TRPS1: variants seen among roughly 807,000 people sequenced by gnomAD.
TRPS1 encodes zinc finger transcription factor Trps1.
A neutral mutation model predicts 101.2 loss-of-function variants in TRPS1; 6 were observed. That is an observed-to-expected ratio of 0.06 (90% confidence interval 0.03 to 0.12). TRPS1 has a LOEUF of 0.12. Among genes scored for constraint, TRPS1 ranks in the 10% least tolerant of loss-of-function variants. The pLI, the probability that TRPS1 is intolerant of heterozygous loss-of-function variation, is 1.00. For synonymous variants in TRPS1, 578 were observed against 589.8 expected (o/e 0.98, Z 0.29); for missense variants, 1,363 against 1,567.0 (o/e 0.87, Z 2.20).
At chr8:115,576,519 T>C (rs1817323107) in intron 5 of TRPS1, among the ~76,000 whole-genome samples, 1 of 152,080 alleles carries the variant, frequency 6.6e-6, no homozygotes, top group Non-Finnish European at 1.5e-5. Context: ...CAGGAAACAG[T>C]ATATGAGGCT....
intron 5 of TRPS1, among the ~76,000 whole-genome samples, chr8:115,447,843 ATTCTTTTACT>A (rs1487831257): frequency 1.3e-5 from 2 of 152,216 alleles, no homozygotes; most frequent in African/African-American, 4.8e-5. Flanking sequence ...ATCTAGGTCC[ATTCTTTTACT>A]TTCATAACTG....
chr8:115,515,139 A>G, intron 5 of TRPS1: 1 of 651,534 alleles, frequency 1.5e-6, no homozygotes, highest in Non-Finnish European at 2.8e-6. Flanking sequence ...TGATAGCTAG[A>G]AGACAAAGAC....
At chr8:115,565,923 T>C (rs939796474) in intron 5 of TRPS1, among the ~76,000 whole-genome samples, 1 of 152,160 alleles carries the variant, frequency 6.6e-6, no homozygotes, top group Admixed American at 6.6e-5. Context: ...CGAAAGACAT[T>C]TACTTGAAAC....
intron 5 of TRPS1, among the ~76,000 whole-genome samples, chr8:115,452,781 T>C (rs1020655098): frequency 2.0e-5 from 3 of 152,172 alleles, no homozygotes; most frequent in African/African-American, 7.2e-5. Context: ...CGAGCACAGA[T>C]GTAACATAAG....
At chr8:115,462,407 T>C (rs1337127148) in intron 5 of TRPS1, among the ~76,000 whole-genome samples, 1 of 152,182 alleles carries the variant, frequency 6.6e-6, no homozygotes. Flanking sequence ...CCCTGGGCAA[T>C]CCAGTTAACC....
At chr8:115,487,736 G>T (rs1447159524) in intron 5 of TRPS1, among the ~76,000 whole-genome samples, 1 of 152,192 alleles carries the variant, frequency 6.6e-6, no homozygotes. Context: ...GTAACTGATT[G>T]CTGTAATCTC....
At chr8:115,495,711 T>C (rs1815133048) in intron 5 of TRPS1, among the ~76,000 whole-genome samples, 1 of 151,554 alleles carries the variant, frequency 6.6e-6, no homozygotes, top group African/African-American at 2.4e-5. Context: ...GAAATCAAAG[T>C]CTTTACAAGC....
intron 5 of TRPS1, among the ~76,000 whole-genome samples, chr8:115,513,857 T>C (rs1404745249): frequency 2.0e-5 from 3 of 151,740 alleles, no homozygotes; most frequent in East Asian, 1.9e-4. Flanking sequence ...GATAGACATA[T>C]ATGTTTAAGT....
At position 115,585,110 on chromosome 8, in the gene TRPS1, T is replaced by C. The variant is rs369671842; in HGVS notation, c.2700+1891A>G. ...TAGGGTTGGAATTTGGCTATTATTG[T>C]AGAACACAGCTAAGGAATCTCTTGT... On this transcript the variant is annotated intron_variant, in intron 5 of 6. Coordinates refer to ENST00000395715, the MANE Select transcript of TRPS1 (RefSeq NM_014112.5). Among the ~76,000 whole-genome samples the C allele has an allele frequency of 5.2e-4, 79 of 152,294 alleles. 3 individuals are homozygous for C. The highest frequency in any genetic ancestry group is 1.8e-3 in the Admixed American group (28 of 15,300).
intron 3 of TRPS1, among the ~76,000 whole-genome samples, chr8:115,617,650 C>T (rs1361044085): frequency 1.3e-5 from 2 of 152,180 alleles, no homozygotes; most frequent in African/African-American, 2.4e-5. Context: ...AACACTGTTT[C>T]ACATACTGAC....
intron 1 of TRPS1, among the ~76,000 whole-genome samples, chr8:115,627,963 T>G (rs1382168586): frequency 6.6e-6 from 1 of 150,956 alleles, no homozygotes; most frequent in African/African-American, 2.5e-5. Flanking sequence ...GTATATTCAG[T>G]AAGTTTTATT....
At chr8:115,426,643 G>T (rs1813193019) in intron 5 of TRPS1, among the ~76,000 whole-genome samples, 1 of 152,044 alleles carries the variant, frequency 6.6e-6, no homozygotes, top group Non-Finnish European at 1.5e-5. Flanking sequence ...TCACACTCTT[G>T]GGGATCATAC....
intron 5 of TRPS1, among the ~76,000 whole-genome samples, chr8:115,536,213 G>T (rs1816314908): frequency 6.6e-6 from 1 of 151,724 alleles, no homozygotes; most frequent in African/African-American, 2.4e-5. Context: ...TAAAATTCTA[G>T]CTTACCATAA....
intron 1 of TRPS1, among the ~76,000 whole-genome samples, chr8:115,653,045 G>A (rs1287918998): frequency 6.6e-6 from 1 of 151,984 alleles, no homozygotes; most frequent in Non-Finnish European, 1.5e-5. Context: ...ACAAAAAACG[G>A]TGTTTTCTGA....
At chr8:115,455,250 CAT>C (rs1296587862) in intron 5 of TRPS1, among the ~76,000 whole-genome samples, 7 of 152,204 alleles carry the variant, frequency 4.6e-5, no homozygotes, top group African/African-American at 1.7e-4. Flanking sequence ...TTTAATTTCA[CAT>C]GAGATGTGTA....
At chr8:115,444,543 T>G (rs1478040415) in intron 5 of TRPS1, among the ~76,000 whole-genome samples, 22 of 152,220 alleles carry the variant, frequency 1.4e-4, no homozygotes, top group Admixed American at 1.4e-3. Flanking sequence ...TCTAACATTT[T>G]CAAAGTATAC....
At chr8:115,583,370 T>G (rs1198638514) in intron 5 of TRPS1, among the ~76,000 whole-genome samples, 1 of 74,940 alleles carries the variant, frequency 1.3e-5, no homozygotes, top group African/African-American at 1.2e-4. Context: ...TTGGAATATA[T>G]AAAATAATTT....
At chr8:115,610,891 C>T (rs981606911) in intron 3 of TRPS1, among the ~76,000 whole-genome samples, 9 of 151,890 alleles carry the variant, frequency 5.9e-5, no homozygotes, top group Non-Finnish European at 1.0e-4. Flanking sequence ...CCAAGGCGGG[C>T]GGATCACCTG....
At chr8:115,445,518 CTT>C (rs1341670554) in intron 5 of TRPS1, among the ~76,000 whole-genome samples, 1 of 152,126 alleles carries the variant, frequency 6.6e-6, no homozygotes, top group Non-Finnish European at 1.5e-5. Flanking sequence ...TCCTCTTTCA[CTT>C]GAGGAAACAA....
Sources: allele counts gnomAD v4.1 joint callset (sites outside exome capture counted in the v4.1 genomes callset), GRCh38; gene constraint gnomAD v4.1.1; transcripts MANE v1.5; gene names NCBI Gene and HGNC (gene_info 2026-07-23, HGNC 2026-07-21).